Variants in RNASEH1 observed in about 807,000 individuals in gnomAD.
RNASEH1 encodes ribonuclease H1.
In RNASEH1, 27 loss-of-function variants were observed where a neutral mutation model predicts 34.6. That is an observed-to-expected ratio of 0.78 (90% CI 0.58 to 1.08). The LOEUF is 1.08. Among genes scored for constraint, RNASEH1 ranks in the 50% least tolerant of loss-of-function variants. The probability of loss-of-function intolerance (pLI) is 0.00; values close to 1 mark genes in which losing one functional copy is unlikely to be tolerated. For synonymous variants in RNASEH1, 162 were observed against 138.4 expected (o/e 1.17, Z -1.20); for missense variants, 349 against 373.6 (o/e 0.93, Z 0.54).
At chr2:3,557,926 G>C in intron 1 of RNASEH1, 1 of 1,530,826 alleles carries the variant, frequency 6.5e-7, no homozygotes, top group African/African-American at 1.4e-5. Context: ...TTTCAAACAA[G>C]TCTTCGGTGC....
chr2:3,547,003 A>G (rs1668818781), intron 7 of RNASEH1, among the ~76,000 whole-genome samples: 1 of 152,188 alleles, frequency 6.6e-6, no homozygotes. Context: ...TATGCCTGTA[A>G]TCCCAGATAC....
In RNASEH1 at chr2:3,549,107, A is replaced by G. The variant is rs1669039274; in HGVS notation, c.515T>C (p.Val172Ala). 1.2e-6 allele frequency: 2 copies of G among 1,612,562 alleles called. No homozygotes were observed. The highest frequency in any genetic ancestry group is 1.1e-5 in the South Asian group (1 of 91,002). Residue 172 changes from valine to alanine, a missense_variant, in exon 5 of 8, where the codon GTA becomes GCA. Val to Ala is a moderately conservative substitution (Grantham distance 64). Around this residue, in one of 2 missense-constraint regions of RNASEH1, gnomAD observed 256 missense variants for 240.7 expected, o/e 1.06. Transcript: ENST00000315212. ...CTGCCGCCCAGGAAGTCTAATGCCT[A>G]CATTTCTGTTTCAAAACAGTACAAA... ...VYWGPGHPLN[V>A]GIRLPGRQTN...
chr2:3,539,538 A>T (rs1000940385), downstream of RNASEH1, among the ~76,000 whole-genome samples: 1 of 152,204 alleles, frequency 6.6e-6, no homozygotes, highest in African/African-American at 2.4e-5. Context: ...TGGCCAGCAT[A>T]GTCAACGCCT....
the RNASEH1 span, among the ~76,000 whole-genome samples, chr2:3,534,728 C>T: frequency 6.6e-6 from 1 of 152,236 alleles, no homozygotes; most frequent in African/African-American, 2.4e-5. Context: ...CGAGTGAGGC[C>T]AGGCAGGGGC....
intron 5 of RNASEH1, 68 bp from the exon 6 acceptor site, chr2:3,548,792 G>A: frequency 2.6e-6 from 3 of 1,173,000 alleles, no homozygotes; most frequent in Non-Finnish European, 3.8e-6. Flanking sequence ...AAGTTCAAAA[G>A]TACTTCGAAA....
chr2:3,549,022 C>CA, intron 5 of RNASEH1, 36 bp downstream of exon 5: 2 of 1,546,734 alleles, frequency 1.3e-6, no homozygotes, highest in Non-Finnish European at 1.8e-6. Context: ...ACTCAATGCT[C>CA]AAAAAAGAGA....
chr2:3,545,770 C>T lies in RNASEH1; in HGVS notation c.*15G>A. 1.3e-6 allele frequency: 2 copies of T among 1,596,358 alleles called. No individual in the cohort carries two copies. The highest frequency in any genetic ancestry group is 1.7e-6 in the Non-Finnish European group (2 of 1,163,716). On this transcript the variant is annotated 3_prime_UTR_variant, in exon 8 of 8. Coordinates refer to ENST00000315212, the MANE Select transcript of RNASEH1 (RefSeq NM_002936.6). Reference sequence around the variant, plus strand: ...CCGCTGGCTCAAGTTCTCCCAAGGACTAAAGTCACATGGCTCAGTCTTCCG... The same window carrying T: ...CCGCTGGCTCAAGTTCTCCCAAGGATTAAAGTCACATGGCTCAGTCTTCCG...
At position 3,545,483 on chromosome 2, in the gene RNASEH1, AG is replaced by A. The variant is rs1033851228; in HGVS notation, c.*301del. ...GATTTCTTATCAAAATATAAGCCACAGCATTTTAGGCCATTTGCCTTGCTTG... is the reference window on the plus strand; with the variant it reads ...GATTTCTTATCAAAATATAAGCCACACATTTTAGGCCATTTGCCTTGCTTG... On this transcript the variant is annotated 3_prime_UTR_variant, in exon 8 of 8. Transcript: ENST00000315212. 2 of 339,382 alleles carry A rather than the reference AG, an allele frequency of 5.9e-6. No homozygotes were observed. Among genetic ancestry groups the A allele is most frequent in the Admixed American group, 4.2e-5 (1 of 23,550 alleles). The allele number at this position is 339,382 out of a possible 1,614,324, so 21.0% of individuals were successfully genotyped here.
At chr2:3,546,632 T>C (rs755302846) in intron 7 of RNASEH1, among the ~76,000 whole-genome samples, 4 of 152,200 alleles carry the variant, frequency 2.6e-5, no homozygotes, top group Non-Finnish European at 5.9e-5. Flanking sequence ...ATAAGGATTG[T>C]AGAACATCCC....
chr2:3,557,840 T>C, intron 1 of RNASEH1: 3 of 1,401,468 alleles, frequency 2.1e-6, no homozygotes, highest in Non-Finnish European at 2.9e-6. Flanking sequence ...TTGTTGCACT[T>C]TAACTGCAAC....
chr2:3,550,185 G>T, intron 4 of RNASEH1, 188 bp downstream of exon 4: 33 of 495,548 alleles, frequency 6.7e-5, no homozygotes, highest in East Asian at 1.8e-4. Flanking sequence ...AAGTAAAGCT[G>T]AGGTACCTCA....
At chr2:3,553,355 C>G (rs917639536) in intron 2 of RNASEH1, among the ~76,000 whole-genome samples, 1 of 151,704 alleles carries the variant, frequency 6.6e-6, no homozygotes, top group Non-Finnish European at 1.5e-5. Flanking sequence ...TCTTCTGCAA[C>G]GAAGTTTTTC....
chr2:3,539,057 T>G (rs1449935856), downstream of RNASEH1, among the ~76,000 whole-genome samples: 3 of 152,204 alleles, frequency 2.0e-5, no homozygotes, highest in East Asian at 5.8e-4. Context: ...TTTTTTCAAT[T>G]TCTAGTTCTT....
At chr2:3,557,796 G>T (rs1306337459) in intron 1 of RNASEH1, 2 of 1,081,436 alleles carry the variant, frequency 1.8e-6, no homozygotes, top group Non-Finnish European at 2.6e-6. Flanking sequence ...AAGTCTTCTG[G>T]TAACGGGGGT....
intron 7 of RNASEH1, 49 bp downstream of exon 7, chr2:3,547,882 G>A: frequency 1.3e-6 from 2 of 1,582,072 alleles, no homozygotes; most frequent in Non-Finnish European, 8.7e-7. Flanking sequence ...AGTAAACTTA[G>A]CTTATTTGGT....
the RNASEH1 span, chr2:3,533,960 G>A: frequency 6.6e-6 from 1 of 152,258 alleles, no homozygotes; most frequent in African/African-American, 2.4e-5. Flanking sequence ...CCAGTTCCAG[G>A]TTAAGTCCAC....
intron 3 of RNASEH1, among the ~76,000 whole-genome samples, chr2:3,551,493 C>CT (rs75506102): frequency 6.6e-6 from 1 of 152,186 alleles, no homozygotes; most frequent in African/African-American, 2.4e-5. Context: ...CTTGTTTGAT[C>CT]TTTTTTTACG....
rs1668377900 is a variant in RNASEH1 at position 3,542,403 on chromosome 2, T to A, written c.*3382A>T. Among the ~76,000 whole-genome samples the A allele has an allele frequency of 6.6e-6, 1 of 152,226 alleles. No homozygotes were observed. The highest frequency in any genetic ancestry group is 6.5e-5 in the Admixed American group (1 of 15,282). ...CAAGATTCATCAGGCTTTTCATGCA[T>A]CACTTTATGCTGGAAGAAAACAGAA... On this transcript the variant is annotated 3_prime_UTR_variant, in exon 8 of 8. Coordinates refer to ENST00000315212, the MANE Select transcript of RNASEH1 (RefSeq NM_002936.6).
chr2:3,546,756 G>GC (rs1668793614), intron 7 of RNASEH1, among the ~76,000 whole-genome samples: 1 of 152,172 alleles, frequency 6.6e-6, no homozygotes. Context: ...GGGCAACAGT[G>GC]CGAGACTCCA....
Sources: allele counts gnomAD v4.1 joint callset (sites outside exome capture counted in the v4.1 genomes callset), GRCh38; gene constraint gnomAD v4.1.1; regional missense constraint gnomAD v4.1.1; transcripts MANE v1.5; gene names NCBI Gene and HGNC (gene_info 2026-07-23, HGNC 2026-07-21).